The following NSL1 variants were observed in gnomAD, a reference collection of about 807,000 sequenced individuals.
NSL1 encodes the protein kinetochore-associated protein NSL1 homolog.
NSL1 carries 11 observed loss-of-function variants against 25.4 expected under a neutral mutation model. The observed-to-expected ratio is 0.43, with a 90% CI of 0.27 to 0.72. The LOEUF is 0.72. NSL1 is among the 30% of genes least tolerant of loss of function. The pLI is 0.19. For synonymous variants in NSL1, 118 were observed against 120.6 expected (o/e 0.98, Z 0.14); for missense variants, 330 against 342.7 (o/e 0.96, Z 0.29).
Position 212,730,293 on chromosome 1 carries a change from G to A in NSL1, c.*8115C>T. 2 of 957,226 alleles carry A rather than the reference G, an allele frequency of 2.1e-6. No homozygotes were observed. The highest frequency in any genetic ancestry group is 2.5e-6 in the Non-Finnish European group (2 of 808,126). 59.3% of individuals were successfully genotyped at this position (957,226 alleles called of 1,614,324 possible). A position where few individuals can be genotyped will look rare whatever the true frequency, so the allele number is the denominator to read the frequency against. On this transcript the variant is annotated 3_prime_UTR_variant, in exon 6 of 6. Coordinates refer to ENST00000366977, the MANE Select transcript of NSL1 (RefSeq NM_015471.4). ...AATGCGCCAAGTCTCAGGTATTTAT[G>A]GACTGGTGAAGAGTTGTGTGGAGGG... is the stretch of plus-strand genomic sequence containing the variant.
At chr1:212,775,688 G>A (rs1660329058) in intron 4 of NSL1, among the ~76,000 whole-genome samples, 1 of 151,548 alleles carries the variant, frequency 6.6e-6, no homozygotes, top group African/African-American at 2.4e-5. Flanking sequence ...AGTATCTACA[G>A]AGGCACTTCA....
At position 212,728,943 on chromosome 1, in the gene NSL1, C is replaced by T. The variant is rs1175591516; in HGVS notation, c.*9465G>A. On this transcript the variant is annotated 3_prime_UTR_variant, in exon 6 of 6. Coordinates refer to ENST00000366977, the MANE Select transcript of NSL1 (RefSeq NM_015471.4). Reference sequence around the variant, plus strand: ...TTATTTGTGTGTTTGAACGTTTGTTCCCTTTGAATATGAAAGAAAAAGAAA... The same window carrying T: ...TTATTTGTGTGTTTGAACGTTTGTTTCCTTTGAATATGAAAGAAAAAGAAA... 1.0e-6 allele frequency: 1 copy of T among 985,194 alleles called. No homozygotes were observed. The highest frequency in any genetic ancestry group is 1.1e-4 in the East Asian group (1 of 8,808). 61.0% of individuals were successfully genotyped at this position (985,194 alleles called of 1,614,324 possible). A position where few individuals can be genotyped will look rare whatever the true frequency, so the allele number is the denominator to read the frequency against.
intron 4 of NSL1, 43 bp from the exon 5 acceptor site, chr1:212,739,644 T>C (rs374705887): frequency 3.3e-5 from 53 of 1,586,042 alleles, no homozygotes; most frequent in Non-Finnish European, 4.3e-5. Context: ...TTTTATCTAA[T>C]AGCAAATCAT....
chr1:212,791,380 T>C (rs1661250356), intron 1 of NSL1, 150 bp downstream of exon 1: 1 of 734,640 alleles, frequency 1.4e-6, no homozygotes, highest in Non-Finnish European at 2.4e-6. Flanking sequence ...ATCTATTTCT[T>C]TCTCCTCTAG....
At position 212,747,569 on chromosome 1, in the gene NSL1, T is replaced by C. The variant is rs575931900; in HGVS notation, c.500-7968A>G. On this transcript the variant is annotated intron_variant, in intron 4 of 5. Coordinates refer to ENST00000366977, the MANE Select transcript of NSL1 (RefSeq NM_015471.4). ...CCTTGTGAGAGCCCTATGCTAGAAC[T>C]ACCCAGCTAAGCTGCTATCAGATTA... 1.3e-4 allele frequency among the ~76,000 whole-genome samples: 20 copies of C among 152,356 alleles called. 2 individuals carry two copies. Among genetic ancestry groups the C allele is most frequent in the Admixed American group, 1.2e-3 (18 of 15,304 alleles).
intron 4 of NSL1, among the ~76,000 whole-genome samples, chr1:212,747,764 A>T (rs377706649): frequency 1.3e-5 from 2 of 152,010 alleles, no homozygotes; most frequent in Non-Finnish European, 2.9e-5. Context: ...AGTGAGATTT[A>T]TTTTCTTTTT....
chr1:212,732,089 A>C lies in NSL1; in HGVS notation c.*6319T>G, dbSNP rs1431244015. ...GGTTTTTATTATTATGGCTATATAAATATTGTTCACTGGAGAACTAATTTG... is the reference window on the plus strand; with the variant it reads ...GGTTTTTATTATTATGGCTATATAACTATTGTTCACTGGAGAACTAATTTG... On this transcript the variant is annotated 3_prime_UTR_variant, in exon 6 of 6. Coordinates refer to ENST00000366977, the MANE Select transcript of NSL1 (RefSeq NM_015471.4). The C allele has an allele frequency of 2.0e-6, 2 of 977,172 alleles. No homozygotes were observed. The highest frequency in any genetic ancestry group is 2.4e-6 in the Non-Finnish European group (2 of 824,646). The allele number at this position is 977,172 out of a possible 1,614,324, so 60.5% of individuals were successfully genotyped here.
chr1:212,789,489 G>A (rs929779589), intron 1 of NSL1, among the ~76,000 whole-genome samples: 34 of 152,248 alleles, frequency 2.2e-4, no homozygotes, highest in Admixed American at 2.2e-3. Flanking sequence ...TGGGATTACA[G>A]GCGTAAGCCA....
chr1:212,742,968 T>C (rs902725893), intron 4 of NSL1, among the ~76,000 whole-genome samples: 4 of 152,246 alleles, frequency 2.6e-5, no homozygotes, highest in South Asian at 4.1e-4. Context: ...TCTCAAACTT[T>C]GTTACATATT....
intron 4 of NSL1, among the ~76,000 whole-genome samples, chr1:212,749,090 G>A (rs1396794278): frequency 6.6e-6 from 1 of 151,998 alleles, no homozygotes; most frequent in Non-Finnish European, 1.5e-5. Context: ...AGATCATGGT[G>A]GCAGTTACAT....
intron 4 of NSL1, among the ~76,000 whole-genome samples, chr1:212,750,943 G>A (rs900345611): frequency 2.0e-5 from 3 of 150,854 alleles, no homozygotes; most frequent in Non-Finnish European, 4.4e-5. Context: ...TGCCTCAAAC[G>A]AAAAAAAATA....
chr1:212,790,773 A>C (rs1166248565), intron 1 of NSL1, among the ~76,000 whole-genome samples: 2 of 152,024 alleles, frequency 1.3e-5, no homozygotes, highest in Non-Finnish European at 2.9e-5. Flanking sequence ...ACACAAAAAA[A>C]TTAGCCGGGC....
chr1:212,731,359 C>T lies in NSL1; in HGVS notation c.*7049G>A. Reference sequence around the variant, plus strand: ...TGGCTTGAGCCCAGGAATTCAAGACCAGCCGGGGCAATATGGCGAGACCCC... The same window carrying T: ...TGGCTTGAGCCCAGGAATTCAAGACTAGCCGGGGCAATATGGCGAGACCCC... On this transcript the variant is annotated 3_prime_UTR_variant, in exon 6 of 6. Coordinates refer to ENST00000366977, the MANE Select transcript of NSL1 (RefSeq NM_015471.4). The T allele has an allele frequency of 1.0e-6, 1 of 980,816 alleles. No homozygotes were observed. Among genetic ancestry groups the T allele is most frequent in the Non-Finnish European group, 1.2e-6 (1 of 825,912 alleles). 60.8% of individuals were successfully genotyped at this position (980,816 alleles called of 1,614,324 possible).
chr1:212,781,608 T>C (rs890284087), intron 4 of NSL1, among the ~76,000 whole-genome samples: 14 of 152,186 alleles, frequency 9.2e-5, no homozygotes, highest in African/African-American at 3.4e-4. Flanking sequence ...TAAAGAGTAG[T>C]TCAGAATTCA....
intron 4 of NSL1, among the ~76,000 whole-genome samples, chr1:212,761,518 C>T (rs1025669222): frequency 2.0e-5 from 3 of 152,078 alleles, no homozygotes; most frequent in East Asian, 3.9e-4. Context: ...AGATGCCTGT[C>T]GTCCCAGCTA....
rs184267832 is a variant in NSL1 at position 212,762,253 on chromosome 1, G to A, written c.499+20119C>T. On this transcript the variant is annotated intron_variant, in intron 4 of 5. Transcript: ENST00000366977. ...GCAGAGGTTGCGGTGCGCCAAGATC[G>A]CTCCACTGCACTCCAGTCTGGGCAA... Among the ~76,000 whole-genome samples, 503 of 141,884 alleles carry A rather than the reference G, an allele frequency of 3.5e-3. 6 individuals are homozygous for A. The highest frequency in any genetic ancestry group is 0.013 in the African/African-American group (481 of 37,218). 93.1% of individuals were successfully genotyped at this position (141,884 alleles called of 152,430 possible).
At chr1:212,778,152 G>A (rs1218146963) in intron 4 of NSL1, among the ~76,000 whole-genome samples, 1 of 147,138 alleles carries the variant, frequency 6.8e-6, no homozygotes, top group Non-Finnish European at 1.5e-5. Context: ...CAACATGTAG[G>A]CATAGATGCC....
chr1:212,751,755 C>T lies in NSL1; in HGVS notation c.500-12154G>A, dbSNP rs1480830997. On this transcript the variant is annotated intron_variant, in intron 4 of 5. Coordinates refer to ENST00000366977, the MANE Select transcript of NSL1 (RefSeq NM_015471.4). ...GAAGGAAAACACAACTAAAAATGGT[C>T]ACTAAATATATGAATATATTATCTG... is the stretch of plus-strand genomic sequence containing the variant. Among the ~76,000 whole-genome samples, 3 of 152,152 alleles carry T rather than the reference C, an allele frequency of 2.0e-5. No individual in the cohort carries two copies. The East Asian group carries it at 5.8e-4, about 29-fold the overall frequency.
At chr1:212,788,230 C>G in intron 1 of NSL1, among the ~76,000 whole-genome samples, 1 of 152,300 alleles carries the variant, frequency 6.6e-6, no homozygotes, top group Non-Finnish European at 1.5e-5. Context: ...AGGCAACACA[C>G]TGAGACAACC....
Sources: allele counts gnomAD v4.1 joint callset (sites outside exome capture counted in the v4.1 genomes callset), GRCh38; gene constraint gnomAD v4.1.1; transcripts MANE v1.5; gene names NCBI Gene and HGNC (gene_info 2026-07-23, HGNC 2026-07-21).